The following ADAM10 variants were observed in gnomAD, a reference collection of about 807,000 sequenced individuals.
ADAM10 encodes the protein disintegrin and metalloproteinase domain-containing protein 10.
A neutral mutation model predicts 90.1 loss-of-function variants in ADAM10; 17 were observed. The ratio of observed to expected loss-of-function variants is 0.19; its 90% confidence interval spans 0.13 to 0.28. The LOEUF (loss-of-function observed/expected upper bound fraction) is 0.28. Ranked by LOEUF, ADAM10 falls within the 10% of genes least tolerant of loss-of-function variation. The pLI is 1.00. For synonymous variants in ADAM10, 310 were observed against 298.6 expected, an observed-to-expected ratio of 1.04 and a Z score of -0.40; for missense variants, 610 against 914.3, an observed-to-expected ratio of 0.67 and a Z score of 4.29.
At position 58,653,011 on chromosome 15, in the gene ADAM10, C is replaced by T. The variant is rs376275479; in HGVS notation, c.586-6807G>A. On this transcript the variant is annotated intron_variant, in intron 5 of 15. Coordinates refer to ENST00000260408, the MANE Select transcript of ADAM10 (RefSeq NM_001110.4). ...AATGGGATTGCTTCTCTTTTTCAGA[C>T]TGTTTGTTGCTGGAAACAACAGTAG... 2.6e-5 allele frequency among the ~76,000 whole-genome samples: 4 copies of T among 152,066 alleles called. No individual in the cohort carries two copies. In the East Asian group the frequency reaches 7.7e-4, roughly 29 times the overall value.
At chr15:58,706,733 A>T (rs11855190) in intron 2 of ADAM10, among the ~76,000 whole-genome samples, 1 of 151,844 alleles carries the variant, frequency 6.6e-6, no homozygotes, top group African/African-American at 2.4e-5. Flanking sequence ...GGGCTCGGCC[A>T]GGTACGGTGG....
In ADAM10 at chr15:58,691,676, C is replaced by CTTCTTTTTTTTTT. The variant is rs746349800; in HGVS notation, c.207-9363_207-9362insAAAAAAAAAAGAA. The CTTCTTTTTTTTTT allele has an allele frequency of 1.7e-5, 4 of 231,884 alleles. No homozygotes were observed. In the African/African-American group the frequency reaches 1.8e-4, roughly 10 times the overall value. 14.4% of individuals were successfully genotyped at this position (231,884 alleles called of 1,614,324 possible). Reference sequence around the variant, plus strand: ...AGCTAAGCTCAAGCCACTTCTTCTTCTTTTTTTTTTTTTTTTTTTTTTTTT... The same window carrying CTTCTTTTTTTTTT: ...AGCTAAGCTCAAGCCACTTCTTCTTCTTCTTTTTTTTTTTTTTTTTTTTTTTTTTTTTTTTTTT... On this transcript the variant is annotated intron_variant, in intron 2 of 15. Transcript: ENST00000260408.
At chr15:58,649,293 CTTAAA>C (rs1896627509) in intron 5 of ADAM10, among the ~76,000 whole-genome samples, 2 of 152,158 alleles carry the variant, frequency 1.3e-5, no homozygotes, top group African/African-American at 2.4e-5. Context: ...CCTCAGAACA[CTTAAA>C]TTACATTTTT....
chr15:58,634,675 G>A (rs1473742969), intron 8 of ADAM10, among the ~76,000 whole-genome samples: 3 of 152,158 alleles, frequency 2.0e-5, no homozygotes, highest in Non-Finnish European at 4.4e-5. Flanking sequence ...GATTTTCAGT[G>A]AGAAGTTATT....
rs1200142788 is a variant in ADAM10 at position 58,603,837 on chromosome 15, C to T, written c.2026-4113G>A. Among the ~76,000 whole-genome samples the T allele has an allele frequency of 6.4e-5, 5 of 78,480 alleles. No homozygotes were observed. In the East Asian group the frequency reaches 1.7e-3, roughly 27 times the overall value. 51.5% of individuals were successfully genotyped at this position (78,480 alleles called of 152,430 possible). On this transcript the variant is annotated intron_variant, in intron 14 of 15. Transcript: ENST00000260408. ...GTGGTATAGACAGTTTCGAAGAATA[C>T]ACAAGAAATCCATCCTAGAAAGATT...
At chr15:58,747,227 T>A (rs984598960) in intron 1 of ADAM10, 4 of 152,304 alleles carry the variant, frequency 2.6e-5, no homozygotes, top group Non-Finnish European at 5.9e-5. Context: ...GTGCTGGAAA[T>A]GGACACCATT....
chr15:58,720,589 G>C (rs1399141613), intron 1 of ADAM10, among the ~76,000 whole-genome samples: 1 of 149,804 alleles, frequency 6.7e-6, no homozygotes, highest in Non-Finnish European at 1.5e-5. Flanking sequence ...TTTTAGTAGA[G>C]ACGGGGTTTC....
intron 1 of ADAM10, among the ~76,000 whole-genome samples, chr15:58,735,937 C>A (rs534470498): frequency 6.6e-6 from 1 of 152,168 alleles, no homozygotes; most frequent in Non-Finnish European, 1.5e-5. Context: ...TGGAGAAATA[C>A]ATGCTACCTG....
At chr15:58,702,884 A>C (rs1595635809) in intron 2 of ADAM10, among the ~76,000 whole-genome samples, 1 of 152,330 alleles carries the variant, frequency 6.6e-6, no homozygotes, top group Middle Eastern at 3.4e-3. Context: ...GAACAAATTA[A>C]AGATTGTCAC....
At chr15:58,728,040 A>G (rs1225758466) in intron 1 of ADAM10, among the ~76,000 whole-genome samples, 1 of 152,222 alleles carries the variant, frequency 6.6e-6, no homozygotes, top group East Asian at 1.9e-4. Flanking sequence ...TAGATAGAAT[A>G]TATTTCTTTT....
chr15:58,658,590 G>C (rs948343653), intron 5 of ADAM10, among the ~76,000 whole-genome samples: 2 of 152,026 alleles, frequency 1.3e-5, no homozygotes, highest in African/African-American at 4.8e-5. Flanking sequence ...AATTTGGGGA[G>C]AACTGACATA....
chr15:58,686,595 C>T (rs1266730747), intron 2 of ADAM10: 25 of 1,074,602 alleles, frequency 2.3e-5, no homozygotes, highest in Non-Finnish European at 3.3e-5. Context: ...TTCTGGGAAC[C>T]CAGATCCTGT....
At chr15:58,711,592 C>G (rs946160034) in intron 2 of ADAM10, among the ~76,000 whole-genome samples, 2 of 152,134 alleles carry the variant, frequency 1.3e-5, no homozygotes, top group African/African-American at 4.8e-5. Context: ...TACTCAAATG[C>G]AAAGTTGGTG....
At chr15:58,719,202 T>C (rs1466072883) in intron 1 of ADAM10, among the ~76,000 whole-genome samples, 2 of 151,986 alleles carry the variant, frequency 1.3e-5, no homozygotes, top group Admixed American at 1.3e-4. Context: ...TGGCTGCATA[T>C]AAACCTAGCT....
intron 1 of ADAM10, 149 bp downstream of exon 1, chr15:58,749,331 G>C (rs1899900002): frequency 3.7e-6 from 4 of 1,094,038 alleles, no homozygotes; most frequent in Non-Finnish European, 4.6e-6. Flanking sequence ...GGGGACAATA[G>C]GGAGCGGGGA....
At chr15:58,710,530 G>T (rs567426424) in intron 2 of ADAM10, among the ~76,000 whole-genome samples, 1 of 152,214 alleles carries the variant, frequency 6.6e-6, no homozygotes, top group South Asian at 2.1e-4. Context: ...GTATAAAGCG[G>T]AATCAGGCAA....
At chr15:58,635,921 A>G (rs1007298320) in intron 8 of ADAM10, among the ~76,000 whole-genome samples, 1 of 152,174 alleles carries the variant, frequency 6.6e-6, no homozygotes, top group African/African-American at 2.4e-5. Flanking sequence ...AAATATAGTA[A>G]TTTATATATT....
intron 5 of ADAM10, among the ~76,000 whole-genome samples, chr15:58,661,187 T>C (rs1203018634): frequency 6.6e-6 from 1 of 152,368 alleles, no homozygotes; most frequent in Non-Finnish European, 1.5e-5. Context: ...GGTAATAATC[T>C]CTTGAAGGTT....
intron 5 of ADAM10, among the ~76,000 whole-genome samples, chr15:58,646,477 T>TA (rs1367772281): frequency 6.6e-6 from 1 of 152,172 alleles, no homozygotes; most frequent in Non-Finnish European, 1.5e-5. Flanking sequence ...AGTTGTATAA[T>TA]AGCTTATACT....
Sources: allele counts gnomAD v4.1 joint callset (sites outside exome capture counted in the v4.1 genomes callset), GRCh38; gene constraint gnomAD v4.1.1; transcripts MANE v1.5; gene names NCBI Gene and HGNC (gene_info 2026-07-23, HGNC 2026-07-21).